Variants in RPS6KA2 observed in about 807,000 individuals in gnomAD.
The protein encoded by RPS6KA2 is ribosomal protein S6 kinase alpha-2.
A neutral mutation model predicts 91.8 loss-of-function variants in RPS6KA2; 42 were observed. The observed-to-expected ratio is 0.46, with a 90% CI of 0.36 to 0.59. The LOEUF is 0.59. Among genes scored for constraint, RPS6KA2 ranks in the 20% least tolerant of loss-of-function variants. The probability of loss-of-function intolerance (pLI) is 0.00; values close to 1 mark genes in which losing one functional copy is unlikely to be tolerated. For synonymous variants in RPS6KA2, 414 were observed against 393.6 expected, an observed-to-expected ratio of 1.05 and a Z score of -0.61; for missense variants, 798 against 978.5, an observed-to-expected ratio of 0.82 and a Z score of 2.46.
At chr6:166,426,158 C>T (rs1778909904) in intron 16 of RPS6KA2, among the ~76,000 whole-genome samples, 1 of 152,120 alleles carries the variant, frequency 6.6e-6, no homozygotes, top group Admixed American at 6.6e-5. Flanking sequence ...TCACTCAAAA[C>T]CTCTCAACTA....
At chr6:166,513,528 A>G (rs1782540841) in intron 3 of RPS6KA2, among the ~76,000 whole-genome samples, 1 of 152,190 alleles carries the variant, frequency 6.6e-6, no homozygotes, top group African/African-American at 2.4e-5. Context: ...GTATTGCTTA[A>G]AGTTAGGTAG....
chr6:166,770,943 C>T lies in RPS6KA2; in HGVS notation c.123+87257G>A, dbSNP rs750419843. The T allele has an allele frequency of 6.3e-7, 1 of 1,590,458 alleles. No individual in the cohort carries two copies. The highest frequency in any genetic ancestry group is 2.2e-5 in the East Asian group (1 of 44,844). ...GAAAATGGAAACGAAGAAAGAATTC[C>T]TTTAAGTCACAGGACGTATTTACAG... On this transcript the variant is annotated intron_variant, in intron 2 of 21. Coordinates refer to the RPS6KA2 transcript ENST00000503859. This position sits in a 1 kb window ranked among gnomAD's most constrained non-coding sequence, Gnocchi z 5.1.
At chr6:166,858,087 A>C (rs1203722588) in intron 2 of RPS6KA2, 2 of 756,204 alleles carry the variant, frequency 2.6e-6, no homozygotes, top group Non-Finnish European at 4.9e-6. Context: ...CACATATGTC[A>C]CTAAAATAAC....
intron 2 of RPS6KA2, among the ~76,000 whole-genome samples, chr6:166,677,904 T>A (rs183540571): frequency 6.6e-6 from 1 of 152,338 alleles, no homozygotes; most frequent in East Asian, 1.9e-4. Context: ...GCTTGCATTT[T>A]TTATGATAAA....
intron 2 of RPS6KA2, among the ~76,000 whole-genome samples, chr6:166,857,078 C>T (rs1053887447): frequency 1.3e-5 from 2 of 152,152 alleles, no homozygotes; most frequent in Non-Finnish European, 2.9e-5. Flanking sequence ...AACCAGTGGG[C>T]TATGTCATCG....
At chr6:166,480,721 G>T (rs1781184022) in intron 10 of RPS6KA2, among the ~76,000 whole-genome samples, 1 of 151,766 alleles carries the variant, frequency 6.6e-6, no homozygotes, top group Non-Finnish European at 1.5e-5. Flanking sequence ...TGCCATTTTG[G>T]CCAGGCTGGT....
At chr6:166,790,855 T>C (rs981722103) in intron 2 of RPS6KA2, among the ~76,000 whole-genome samples, 23 of 151,984 alleles carry the variant, frequency 1.5e-4, no homozygotes, top group African/African-American at 5.3e-4. Context: ...AAAGAGCTCC[T>C]GAAGGAAGCA....
intron 2 of RPS6KA2, among the ~76,000 whole-genome samples, chr6:166,793,977 T>C (rs1000925800): frequency 7.0e-6 from 1 of 142,248 alleles, no homozygotes; most frequent in Non-Finnish European, 1.5e-5. Context: ...CCAAAAGCAA[T>C]GGCAACAAAA....
rs1194565388 is a variant in RPS6KA2 at position 166,733,004 on chromosome 6, A to G, written c.123+125196T>C. ...GGGAGGCAGGGGTGCACACTTATGC[A>G]TTTGCCCAGTTTTGCATCGGATTTC... On this transcript the variant is annotated intron_variant, in intron 2 of 21. Transcript: ENST00000503859. This position sits in a 1 kb window ranked among gnomAD's most constrained non-coding sequence, Gnocchi z 4.1. 6.6e-6 allele frequency among the ~76,000 whole-genome samples: 1 copy of G among 152,128 alleles called. No individual in the cohort carries two copies. The highest frequency in any genetic ancestry group is 1.5e-5 in the Non-Finnish European group (1 of 68,016).
chr6:166,692,400 C>T (rs914277682), intron 2 of RPS6KA2, among the ~76,000 whole-genome samples: 5 of 152,112 alleles, frequency 3.3e-5, no homozygotes, highest in Non-Finnish European at 5.9e-5. Context: ...CAGGGACCAG[C>T]GTGTGCAGAG....
At chr6:166,848,162 A>G (rs1780652676) in intron 2 of RPS6KA2, among the ~76,000 whole-genome samples, 1 of 152,244 alleles carries the variant, frequency 6.6e-6, no homozygotes. Context: ...AAAATGCTTC[A>G]ACATCACTTA....
Position 166,500,874 on chromosome 6 carries a change from G to A in RPS6KA2, c.604+13C>T, listed in dbSNP as rs757554824. On this transcript the variant is annotated intron_variant, in intron 7 of 20. Coordinates refer to ENST00000265678, the MANE Select transcript of RPS6KA2 (RefSeq NM_021135.6). This position sits in a 1 kb window ranked among gnomAD's most constrained non-coding sequence, Gnocchi z 4.3. ...GATGAAGCCATGGAGGGGGCCTGCC[G>A]TCTTTTACAAACCTGTGATCTTAAT... 20 of 1,613,138 alleles carry A rather than the reference G, an allele frequency of 1.2e-5. No individual in the cohort carries two copies. Among genetic ancestry groups the A allele is most frequent in the Admixed American group, 8.3e-5 (5 of 60,008 alleles).
At chr6:166,569,024 G>A (rs766820735) in intron 1 of RPS6KA2, among the ~76,000 whole-genome samples, 3 of 152,080 alleles carry the variant, frequency 2.0e-5, no homozygotes, top group Non-Finnish European at 2.9e-5. Flanking sequence ...ATTAATAAAC[G>A]TATACAAAAG....
intron 17 of RPS6KA2, among the ~76,000 whole-genome samples, chr6:166,421,809 A>G (rs964385208): frequency 1.3e-5 from 2 of 152,286 alleles, no homozygotes; most frequent in Admixed American, 1.3e-4. Context: ...GGATGAGGAA[A>G]ACGTCATTTT....
At position 166,412,887 on chromosome 6, in the gene RPS6KA2, C is replaced by T. The variant is rs937555187; in HGVS notation, c.2077G>A (p.Gly693Ser). Residue 693 changes from glycine to serine, a missense_variant and splice_region_variant, in exon 21 of 21, where the codon GGC becomes AGC. Coordinates refer to ENST00000265678, the MANE Select transcript of RPS6KA2 (RefSeq NM_021135.6). The surrounding 1 kb of genome is among the most constrained non-coding windows in gnomAD (Gnocchi z 4.3). ...LSRQDVHLVK[G>S]AMAATYFALN... Reference sequence around the variant, plus strand: ...GCAAAGTAGGTGGCGGCCATCGCGCCCTGCAAAACAGAAGACAAGGGTGAG... The same window carrying T: ...GCAAAGTAGGTGGCGGCCATCGCGCTCTGCAAAACAGAAGACAAGGGTGAG... 6.4e-6 allele frequency: 10 copies of T among 1,551,744 alleles called. No homozygotes were observed. Among genetic ancestry groups the T allele is most frequent in the Non-Finnish European group, 8.7e-6 (10 of 1,147,144 alleles).
intron 12 of RPS6KA2, among the ~76,000 whole-genome samples, chr6:166,457,444 G>A (rs946290651): frequency 1.3e-5 from 2 of 151,996 alleles, no homozygotes; most frequent in Non-Finnish European, 2.9e-5. Context: ...AATGGGGTGA[G>A]GTGAAAATCC....
At chr6:166,707,736 TTCTC>T (rs907156101) in intron 2 of RPS6KA2, among the ~76,000 whole-genome samples, 7 of 151,452 alleles carry the variant, frequency 4.6e-5, no homozygotes, top group Admixed American at 1.3e-4. Flanking sequence ...CTTTCTTTCT[TTCTC>T]TCTCTCTCTC....
At chr6:166,862,017 A>T in intron 1 of RPS6KA2, 1 of 1,533,954 alleles carries the variant, frequency 6.5e-7, no homozygotes, top group South Asian at 1.1e-5. Flanking sequence ...CCTAATGGAC[A>T]TGAACTGATT....
chr6:166,828,891 C>A (rs1780111232), intron 2 of RPS6KA2, among the ~76,000 whole-genome samples: 1 of 152,134 alleles, frequency 6.6e-6, no homozygotes, highest in Non-Finnish European at 1.5e-5. Context: ...GAAACAACAA[C>A]CCACAGAATG....
Sources: gnomAD v4.1 joint callset for allele counts (sites outside exome capture counted in the v4.1 genomes callset) on GRCh38, gnomAD v4.1.1 for gene constraint, Gnocchi (gnomAD v3.1) non-coding constraint, MANE v1.5 for transcripts, NCBI Gene and HGNC (gene_info 2026-07-23, HGNC 2026-07-21) for gene names.